The following CNOT2 variants were observed in gnomAD, a reference collection of about 807,000 sequenced individuals.
CNOT2 encodes the protein CC chemokine receptor 4-negative regulator of transcription 2.
In CNOT2, 7 loss-of-function variants were observed where a neutral mutation model predicts 72.1. The ratio of observed to expected loss-of-function variants is 0.10; its 90% CI spans 0.06 to 0.18. The LOEUF is 0.18. Among genes scored for constraint, CNOT2 ranks in the 10% least tolerant of loss-of-function variants. The pLI is 1.00. For missense variants in CNOT2, 345 were observed against 660.3 expected (o/e 0.52, Z 5.23); for synonymous variants, 196 against 225.6 (o/e 0.87, Z 1.17).
At chr12:70,273,270 A>G (rs959296528) in intron 1 of CNOT2, among the ~76,000 whole-genome samples, 3 of 152,090 alleles carry the variant, frequency 2.0e-5, no homozygotes, top group African/African-American at 7.2e-5. Flanking sequence ...GAAGATTACC[A>G]AGTAGGTGAT....
intron 2 of CNOT2, among the ~76,000 whole-genome samples, chr12:70,300,441 T>G (rs1467155955): frequency 6.6e-6 from 1 of 152,240 alleles, no homozygotes; most frequent in Non-Finnish European, 1.5e-5. Flanking sequence ...TACATATGGC[T>G]AGCCAGTTTT....
At chr12:70,330,583 A>G in intron 6 of CNOT2, 114 bp downstream of exon 6, 1 of 578,126 alleles carries the variant, frequency 1.7e-6, no homozygotes, top group Non-Finnish European at 3.0e-6. Flanking sequence ...AGTGTGTTTC[A>G]TCATGCATTT....
In CNOT2 at chr12:70,354,066, C is replaced by A; in HGVS notation, c.*151C>A. On this transcript the variant is annotated 3_prime_UTR_variant, in exon 16 of 16. Transcript: ENST00000229195. Reference sequence around the variant, plus strand: ...GCAATTGGCTTACGCAAAAGGTCACCATTTGAGGTCCTGCCTTACTAATTA... The same window carrying A: ...GCAATTGGCTTACGCAAAAGGTCACAATTTGAGGTCCTGCCTTACTAATTA... 1 of 1,332,900 alleles carries A rather than the reference C, an allele frequency of 7.5e-7. No individual in the cohort carries two copies. Among genetic ancestry groups the A allele is most frequent in the Non-Finnish European group, 9.8e-7 (1 of 1,019,890 alleles). 82.6% of individuals were successfully genotyped at this position (1,332,900 alleles called of 1,614,324 possible).
At chr12:70,269,126 C>T (rs1959171650) in intron 1 of CNOT2, among the ~76,000 whole-genome samples, 1 of 152,134 alleles carries the variant, frequency 6.6e-6, no homozygotes, top group South Asian at 2.1e-4. Context: ...GTTGATTTAG[C>T]CCTGGGTTGT....
At chr12:70,316,449 A>G (rs959714934) in intron 3 of CNOT2, among the ~76,000 whole-genome samples, 3 of 152,128 alleles carry the variant, frequency 2.0e-5, no homozygotes, top group Non-Finnish European at 4.4e-5. Context: ...GTTTGATGAA[A>G]TATTGCCTTC....
intron 11 of CNOT2, among the ~76,000 whole-genome samples, chr12:70,340,960 A>G (rs933787001): frequency 2.1e-5 from 3 of 142,126 alleles, no homozygotes; most frequent in Non-Finnish European, 3.0e-5. Context: ...CAGTGATGCA[A>G]TCTCGGGTCA....
rs1463591331 is a variant in CNOT2, at chr12:70,353,945, C to T, written c.*30C>T. On this transcript the variant is annotated 3_prime_UTR_variant, in exon 16 of 16. Coordinates refer to ENST00000229195, the MANE Select transcript of CNOT2 (RefSeq NM_014515.7). ...AAAAAAAAAAAAAAAAAAAGACTTCCCTTTTCTTGGGGTATGGCTGTCTCA... is the reference window on the plus strand; with the variant it reads ...AAAAAAAAAAAAAAAAAAAGACTTCTCTTTTCTTGGGGTATGGCTGTCTCA... The T allele has an allele frequency of 2.6e-6, 4 of 1,547,926 alleles. No individual in the cohort carries two copies. The highest frequency in any genetic ancestry group is 3.5e-6 in the Non-Finnish European group (4 of 1,151,296).
At chr12:70,333,026 AT>A (rs1336944638) in intron 7 of CNOT2, among the ~76,000 whole-genome samples, 180 bp downstream of exon 7, 5 of 151,732 alleles carry the variant, frequency 3.3e-5, no homozygotes, top group Non-Finnish European at 7.4e-5. Context: ...AGAGATGTAA[AT>A]TTTTTTTACT....
intron 4 of CNOT2, among the ~76,000 whole-genome samples, chr12:70,327,890 GA>G (rs1054098235): frequency 7.9e-5 from 12 of 151,786 alleles, no homozygotes; most frequent in Non-Finnish European, 1.8e-4. Context: ...TTTAGGGAGG[GA>G]AAAGACAGAT....
At chr12:70,292,141 A>T (rs1223993159) in intron 2 of CNOT2, among the ~76,000 whole-genome samples, 1 of 152,222 alleles carries the variant, frequency 6.6e-6, no homozygotes, top group Admixed American at 6.5e-5. Context: ...ACCTGTAATA[A>T]GACATATTAA....
chr12:70,247,418 A>G (rs1193303931), intron 1 of CNOT2, among the ~76,000 whole-genome samples: 1 of 152,048 alleles, frequency 6.6e-6, no homozygotes, highest in Admixed American at 6.5e-5. Context: ...ACCCTCCCAA[A>G]GTGCTGGGAT....
chr12:70,310,994 T>C lies in CNOT2; in HGVS notation c.148T>C (p.Phe50Leu). 6.2e-7 allele frequency: 1 copy of C among 1,600,520 alleles called. No individual in the cohort carries two copies. Among genetic ancestry groups the C allele is most frequent in the East Asian group, 2.2e-5 (1 of 44,776 alleles). Residue 50 changes from phenylalanine (F) to leucine (L), a missense_variant, in exon 3 of 16, where the codon TTT (phenylalanine) becomes CTT (leucine). By Grantham distance (22) the Phe-to-Leu change is conservative. Transcript: ENST00000229195. ...CATGTACTACAGCCAGTCTTCTATG[T>C]TTCCACATCGGTCAGAAAAAGATGT... Reference protein sequence around the residue: ...ENMYYSQSSMFPHRSEKDMLA... With the variant: ...ENMYYSQSSMLPHRSEKDMLA...
At chr12:70,262,719 G>A (rs1244265513) in intron 1 of CNOT2, among the ~76,000 whole-genome samples, 2 of 151,912 alleles carry the variant, frequency 1.3e-5, no homozygotes, top group African/African-American at 2.4e-5. Context: ...TGTTACCCAG[G>A]CTGGAGTGCA....
intron 2 of CNOT2, among the ~76,000 whole-genome samples, chr12:70,290,101 C>T (rs1196863783): frequency 1.3e-5 from 2 of 151,850 alleles, no homozygotes; most frequent in East Asian, 3.9e-4. Flanking sequence ...TTTCTTCCAA[C>T]TACTTAAGCA....
intron 4 of CNOT2, chr12:70,321,581 T>C (rs542532914): frequency 1.3e-5 from 2 of 151,850 alleles, no homozygotes; most frequent in Non-Finnish European, 2.9e-5. Flanking sequence ...TAATTGCACA[T>C]TGAGATTGGT....
chr12:70,287,533 C>A (rs541040071), intron 2 of CNOT2, among the ~76,000 whole-genome samples: 1 of 149,524 alleles, frequency 6.7e-6, no homozygotes, highest in Admixed American at 6.8e-5. Context: ...CTGTATGATA[C>A]AATTATTTGT....
chr12:70,298,418 G>A (rs1159200332), intron 2 of CNOT2, among the ~76,000 whole-genome samples: 1 of 152,150 alleles, frequency 6.6e-6, no homozygotes, highest in African/African-American at 2.4e-5. Context: ...CCAGCAAATT[G>A]GTCTGGGTTC....
At chr12:70,257,216 C>G (rs1958498067) in intron 1 of CNOT2, among the ~76,000 whole-genome samples, 1 of 152,088 alleles carries the variant, frequency 6.6e-6, no homozygotes, top group Non-Finnish European at 1.5e-5. Flanking sequence ...CTTTTCAAGC[C>G]TTAGTATTCT....
At chr12:70,262,441 T>A (rs1449204440) in intron 1 of CNOT2, among the ~76,000 whole-genome samples, 1 of 151,670 alleles carries the variant, frequency 6.6e-6, no homozygotes, top group Non-Finnish European at 1.5e-5. Flanking sequence ...ACCCGGTCAA[T>A]TTTTTTGTAT....
Sources: allele counts gnomAD v4.1 joint callset (sites outside exome capture counted in the v4.1 genomes callset), GRCh38; gene constraint gnomAD v4.1.1; transcripts MANE v1.5; gene names NCBI Gene and HGNC (gene_info 2026-07-23, HGNC 2026-07-21).